HECW1: variants seen among roughly 807,000 people sequenced by gnomAD.
HECW1 encodes the protein E3 ubiquitin-protein ligase HECW1.
In HECW1, 61 loss-of-function variants were observed where a neutral mutation model predicts 182.3. That is an observed-to-expected ratio of 0.33 (90% CI 0.27 to 0.41). The LOEUF (loss-of-function observed/expected upper bound fraction) is 0.41. Among genes scored for constraint, HECW1 ranks in the 10% least tolerant of loss-of-function variants. The pLI is 1.00. For missense variants in HECW1, 1,739 were observed against 2,108.9 expected (o/e 0.82, Z 3.44); for synonymous variants, 859 against 832.6 (o/e 1.03, Z -0.55).
intron 6 of HECW1, among the ~76,000 whole-genome samples, chr7:43,395,505 C>G (rs762660301): frequency 1.3e-5 from 2 of 152,236 alleles, no homozygotes; most frequent in Non-Finnish European, 2.9e-5. Context: ...ATGTTTTACT[C>G]TGATTCTTAT....
chr7:43,317,327 G>T (rs532816919), intron 4 of HECW1, among the ~76,000 whole-genome samples: 10 of 152,326 alleles, frequency 6.6e-5, no homozygotes, highest in African/African-American at 1.9e-4. Flanking sequence ...CTGGACAGCA[G>T]CCTCCTGCCC....
chr7:43,258,985 A>G lies in HECW1; in HGVS notation c.27+15053A>G, dbSNP rs1431047613. On this transcript the variant is annotated intron_variant, in intron 3 of 29. Transcript: ENST00000395891. Reference sequence around the variant, plus strand: ...TTACCAATTCAACTCTTAGTGAAATATGAATGATCTCTTTTACCTTAGCCC... The same window carrying G: ...TTACCAATTCAACTCTTAGTGAAATGTGAATGATCTCTTTTACCTTAGCCC... 7.2e-5 allele frequency among the ~76,000 whole-genome samples: 11 copies of G among 152,292 alleles called. No individual in the cohort carries two copies. In the East Asian group the frequency reaches 2.1e-3, roughly 29 times the overall value.
chr7:43,273,449 G>A (rs1054149673), intron 3 of HECW1, among the ~76,000 whole-genome samples: 2 of 152,050 alleles, frequency 1.3e-5, no homozygotes, highest in East Asian at 3.9e-4. Flanking sequence ...GTAAATAATA[G>A]TGATAGAATA....
chr7:43,547,282 C>T (rs2081601137), intron 26 of HECW1, among the ~76,000 whole-genome samples: 1 of 152,102 alleles, frequency 6.6e-6, no homozygotes, highest in Admixed American at 6.5e-5. Context: ...GGCATGGTGG[C>T]TCATGCCTGT....
chr7:43,277,022 T>C (rs1803241023), intron 3 of HECW1, among the ~76,000 whole-genome samples: 1 of 152,226 alleles, frequency 6.6e-6, no homozygotes, highest in African/African-American at 2.4e-5. Context: ...TTGGGTTTTC[T>C]CTTGGATTTT....
Position 43,561,918 on chromosome 7 carries a change from C to T in HECW1, c.4813C>T (p.Leu1605Phe), listed in dbSNP as rs2082220235. ...AGTAGAGGAAACCAGCACCTTTGGACTTGAGTGAGGACATGGAACCTCGCC... is the reference window on the plus strand; with the variant it reads ...AGTAGAGGAAACCAGCACCTTTGGATTTGAGTGAGGACATGGAACCTCGCC... ...TAVEETSTFG[L>F]E Residue 1605 changes from leucine to phenylalanine, a missense_variant, in exon 30 of 30, where the codon CTT becomes TTT. Around this residue, in one of 5 missense-constraint regions of HECW1, gnomAD observed 420 missense variants for 595.7 expected, o/e 0.71. Coordinates refer to ENST00000395891, the MANE Select transcript of HECW1 (RefSeq NM_015052.5). The T allele has an allele frequency of 6.3e-7, 1 of 1,599,066 alleles. No individual in the cohort carries two copies. Among genetic ancestry groups the T allele is most frequent in the Non-Finnish European group, 8.6e-7 (1 of 1,166,302 alleles).
At chr7:43,132,413 G>A (rs1279863304) in intron 2 of HECW1, among the ~76,000 whole-genome samples, 2 of 152,070 alleles carry the variant, frequency 1.3e-5, no homozygotes, top group South Asian at 2.1e-4. Flanking sequence ...TCGTATCATC[G>A]AATGGATCGC....
At chr7:43,402,354 A>G (rs2075453440) in intron 7 of HECW1, among the ~76,000 whole-genome samples, 1 of 152,164 alleles carries the variant, frequency 6.6e-6, no homozygotes, top group South Asian at 2.1e-4. Context: ...CGGTTCCTGC[A>G]CCTGCCCGTC....
At chr7:43,126,470 T>C (rs977256453) in intron 2 of HECW1, among the ~76,000 whole-genome samples, 6 of 152,214 alleles carry the variant, frequency 3.9e-5, no homozygotes, top group Non-Finnish European at 8.8e-5. Context: ...CATGCTATAA[T>C]GGCAGAGCTG....
chr7:43,503,952 C>A (rs1429355652), intron 21 of HECW1, among the ~76,000 whole-genome samples: 1 of 152,250 alleles, frequency 6.6e-6, no homozygotes, highest in Non-Finnish European at 1.5e-5. Context: ...AAGACCACTT[C>A]TTTTCAAGTG....
chr7:43,522,997 CTTGTTTGT>C lies in HECW1; in HGVS notation c.4019+13891_4019+13898del, dbSNP rs547781408. 1,241 of 437,886 alleles carry C rather than the reference CTTGTTTGT, an allele frequency of 2.8e-3. 14 individuals are homozygous for C. The highest frequency in any genetic ancestry group is 0.023 in the African/African-American group (1,121 of 49,404). The allele number at this position is 437,886 out of a possible 1,614,324, so 27.1% of individuals were successfully genotyped here. A position where few individuals can be genotyped will look rare whatever the true frequency, so the allele number is the denominator to read the frequency against. ...TGTTCTCTTTCCAAAGGTAGTTCTG[CTTGTTTGT>C]TTGTTTGTTTGTTTTGAGATGGAAT... On this transcript the variant is annotated intron_variant, in intron 24 of 29. Coordinates refer to ENST00000395891, the MANE Select transcript of HECW1 (RefSeq NM_015052.5).
intron 3 of HECW1, among the ~76,000 whole-genome samples, chr7:43,285,875 CT>C (rs1804577316): frequency 6.6e-6 from 1 of 152,146 alleles, no homozygotes; most frequent in Non-Finnish European, 1.5e-5. Context: ...CAAGCTAACT[CT>C]TTTTAATCCC....
intron 5 of HECW1, among the ~76,000 whole-genome samples, chr7:43,346,800 G>A (rs1188188104): frequency 1.3e-5 from 2 of 152,164 alleles, no homozygotes; most frequent in Non-Finnish European, 2.9e-5. Flanking sequence ...TCAGTTGGCT[G>A]TAAGTATTTG....
intron 14 of HECW1, among the ~76,000 whole-genome samples, chr7:43,465,411 C>A (rs1420439102): frequency 6.6e-6 from 1 of 152,224 alleles, no homozygotes; most frequent in Admixed American, 6.5e-5. Flanking sequence ...ATGGCTGCCA[C>A]TAGGGTGGCT....
chr7:43,222,086 C>G (rs1458210232), intron 2 of HECW1, among the ~76,000 whole-genome samples: 1 of 152,180 alleles, frequency 6.6e-6, no homozygotes, highest in Non-Finnish European at 1.5e-5. Context: ...AAAAGTTCCT[C>G]TAGGCCAGCG....
chr7:43,427,706 CTCA>C (rs1307308406), intron 8 of HECW1, among the ~76,000 whole-genome samples: 3 of 152,130 alleles, frequency 2.0e-5, no homozygotes, highest in Non-Finnish European at 4.4e-5. Flanking sequence ...CACTTGTGTT[CTCA>C]TCTAGGGCCT....
At chr7:43,475,962 G>C (rs146944804) in intron 16 of HECW1, among the ~76,000 whole-genome samples, 7,825 of 152,126 alleles carry the variant, frequency 0.051, 209 homozygotes, top group South Asian at 0.12. Context: ...TGTACAATCG[G>C]GTCTAGTAGT....
chr7:43,310,349 G>A (rs935042811), intron 3 of HECW1, among the ~76,000 whole-genome samples: 1 of 152,118 alleles, frequency 6.6e-6, no homozygotes, highest in Non-Finnish European at 1.5e-5. Flanking sequence ...AGGAGGGATG[G>A]TTTCCAGGCA....
Position 43,562,364 on chromosome 7 carries a change from A to G in HECW1, c.*438A>G. The stretch of plus-strand genomic sequence containing the variant: ...TCTGAGCAGAGCCACCATTTTTTAT[A>G]ATTTCTAATAACCAACTCCAGAACT... On this transcript the variant is annotated 3_prime_UTR_variant, in exon 30 of 30. Transcript: ENST00000395891. 4.4e-6 allele frequency: 1 copy of G among 229,854 alleles called. No individual in the cohort carries two copies. Among genetic ancestry groups the G allele is most frequent in the East Asian group, 6.2e-5 (1 of 16,064 alleles). The allele number at this position is 229,854 out of a possible 1,614,324, so 14.2% of individuals were successfully genotyped here. A position where few individuals can be genotyped will look rare whatever the true frequency, so the allele number is the denominator to read the frequency against.
Sources: allele counts gnomAD v4.1 joint callset (sites outside exome capture counted in the v4.1 genomes callset), GRCh38; gene constraint gnomAD v4.1.1; regional missense constraint gnomAD v4.1.1; transcripts MANE v1.5; gene names NCBI Gene and HGNC (gene_info 2026-07-23, HGNC 2026-07-21).